Variants in TSPAN10 observed in about 807,000 individuals in gnomAD.
TSPAN10 encodes the protein tetraspanin 10, also known as tetraspanin-10.
TSPAN10 carries 11 observed loss-of-function variants against 15.0 expected under a neutral mutation model. That is an observed-to-expected ratio of 0.73 (90% CI 0.46 to 1.21). TSPAN10 has a LOEUF of 1.21. TSPAN10 is among the 50% of genes most tolerant of loss of function. The pLI is 0.00. For synonymous variants in TSPAN10, 241 were observed against 226.2 expected, an observed-to-expected ratio of 1.07 and a Z score of -0.59; for missense variants, 486 against 470.6, an observed-to-expected ratio of 1.03 and a Z score of -0.30.
At chr17:81,646,747 C>A (rs967636330) in intron 2 of TSPAN10, among the ~76,000 whole-genome samples, 23 of 151,986 alleles carry the variant, frequency 1.5e-4, no homozygotes, top group Non-Finnish European at 4.4e-5. Flanking sequence ...TCTGACTCCA[C>A]AGTTTCCCTC....
chr17:81,646,679 C>CA (rs570131394), intron 2 of TSPAN10: 6,229 of 124,862 alleles, frequency 0.05, 369 homozygotes, highest in East Asian at 0.17. Context: ...GACTCTGTCT[C>CA]AAAAAAAAAA....
exon 2 of TSPAN10, chr17:81,645,112 A>G: frequency 6.3e-7 from 1 of 1,587,240 alleles, no homozygotes; most frequent in South Asian, 1.1e-5. Flanking sequence ...CCCGGAGACC[A>G]AGCACCAGGC....
chr17:81,639,032 T>C (rs2036151282), upstream of TSPAN10: 1 of 152,000 alleles, frequency 6.6e-6, no homozygotes, highest in Admixed American at 6.6e-5. Flanking sequence ...ACTAAGCGCC[T>C]CCCGAAGTTA....
downstream of TSPAN10, chr17:81,648,453 C>G: frequency 2.8e-6 from 2 of 705,596 alleles, no homozygotes; most frequent in Non-Finnish European, 3.8e-6. Context: ...TTCGCTCGCT[C>G]CGCGTCCCCC....
In TSPAN10 at chr17:81,645,265, G is replaced by A. The variant is rs199644030; in HGVS notation, c.310G>A (p.Val104Ile). Residue 104 changes from valine (V) to isoleucine (I), a missense_variant, in exon 2 of 3, where the codon GTC becomes ATC. Coordinates refer to ENST00000611590, the Ensembl canonical transcript of TSPAN10. ...GGCCATCGGGCTCTGGGGCCTGGCT[G>A]TCAAGGGGTCTCTGGGAAGTGATCT... The A allele has an allele frequency of 4.1e-5, 63 of 1,533,224 alleles. No homozygotes were observed. The highest frequency in any genetic ancestry group is 6.1e-6 in the Non-Finnish European group (7 of 1,146,738). The allele number at this position is 1,533,224 out of a possible 1,614,324, so 95.0% of individuals were successfully genotyped here. A position where few individuals can be genotyped will look rare whatever the true frequency, so the allele number is the denominator to read the frequency against.
In TSPAN10 at chr17:81,648,089, G is replaced by A. The variant is rs375147835; in HGVS notation, c.863G>A (p.Arg288His). 8 of 1,586,456 alleles carry A rather than the reference G, an allele frequency of 5.0e-6. No individual in the cohort carries two copies. The African/African-American group carries it at 9.4e-5, about 19-fold the overall frequency. ...GGCCCGCCGCTCCGGCGGTGGCTGC[G>A]CGCGAACCTGGCTGCCTCGGGCGGC... is the stretch of plus-strand genomic sequence containing the variant. Residue 288 changes from arginine (R) to histidine (H), a missense_variant, in exon 3 of 3, where the codon CGC (arginine) becomes CAC (histidine). Arg to His is a conservative substitution (Grantham distance 29). Coordinates refer to ENST00000611590, the Ensembl canonical transcript of TSPAN10.
intron 2 of TSPAN10, chr17:81,646,136 A>G (rs1256008776): frequency 4.8e-6 from 1 of 208,492 alleles, no homozygotes; most frequent in Non-Finnish European, 9.5e-6. Flanking sequence ...TCACACCTGT[A>G]ATCCCAGCAC....
At chr17:81,644,001 G>A (rs1328466473) in intron 1 of TSPAN10, among the ~76,000 whole-genome samples, 4 of 149,424 alleles carry the variant, frequency 2.7e-5, no homozygotes, top group Non-Finnish European at 4.4e-5. Flanking sequence ...CACCACGCCC[G>A]GCTAATTTTT....
At chr17:81,647,934 C>T (rs1283389946) in exon 3 of TSPAN10, 17 of 1,608,374 alleles carry the variant, frequency 1.1e-5, no homozygotes, top group Admixed American at 1.7e-5. Flanking sequence ...GGGTGCAGGC[C>T]TGCAGCCTTC....
At chr17:81,641,733 C>G (rs191895352), upstream of TSPAN10, among the ~76,000 whole-genome samples, 1 of 139,432 alleles carries the variant, frequency 7.2e-6, no homozygotes, top group East Asian at 2.6e-4. Context: ...CTGGGCAGCA[C>G]AGCAGAACCC....
upstream of TSPAN10, chr17:81,642,291 G>A: frequency 8.7e-7 from 1 of 1,155,944 alleles, no homozygotes; most frequent in Non-Finnish European, 1.3e-6. Flanking sequence ...CATGCCCAGG[G>A]CTGCACTGTT....
exon 2 of TSPAN10, chr17:81,645,456 G>C: frequency 6.3e-7 from 1 of 1,588,888 alleles, no homozygotes; most frequent in Non-Finnish European, 8.5e-7. Context: ...AGGCCGTGGC[G>C]GGGGCCCTGG....
intron 2 of TSPAN10, chr17:81,647,368 G>C: frequency 4.4e-6 from 2 of 454,970 alleles, no homozygotes; most frequent in Non-Finnish European, 8.8e-6. Context: ...AGGGCACCTG[G>C]GGACTGCCTG....
At chr17:81,645,512 T>C in exon 2 of TSPAN10, 1 of 1,588,284 alleles carries the variant, frequency 6.3e-7, no homozygotes, top group South Asian at 1.1e-5. Context: ...GAGCACACCC[T>C]GCGTGTGGCC....
rs12942852 is a variant in TSPAN10, at chr17:81,643,640, A to G, written c.36+1192A>G. Among the ~76,000 whole-genome samples, 57 of 39,514 alleles carry G rather than the reference A, an allele frequency of 1.4e-3. 3 individuals are homozygous for G. Among genetic ancestry groups the G allele is most frequent in the African/African-American group, 3.5e-3 (18 of 5,120 alleles). 25.9% of individuals were successfully genotyped at this position (39,514 alleles called of 152,430 possible). On this transcript the variant is annotated intron_variant, in intron 1 of 2. Transcript: ENST00000611590. ...AAAAAAAAAAAAAAAAAAAATTACC[A>G]GGACATGGTTGCAGTGCCTGTAGTC...
chr17:81,646,778 G>A (rs567159646), intron 2 of TSPAN10, among the ~76,000 whole-genome samples: 1 of 151,826 alleles, frequency 6.6e-6, no homozygotes, highest in South Asian at 2.1e-4. Context: ...GTCATTAAAC[G>A]CCGTGCATTT....
At chr17:81,647,271 A>G (rs963548473) in intron 2 of TSPAN10, among the ~76,000 whole-genome samples, 3 of 152,066 alleles carry the variant, frequency 2.0e-5, no homozygotes, top group Non-Finnish European at 4.4e-5. Flanking sequence ...TAAGTGGGGC[A>G]TACTCTTCTA....
rs1364566966 is a variant in TSPAN10, at chr17:81,648,241, C to A, written c.1015C>A (p.Pro339Thr). 8.9e-6 allele frequency: 11 copies of A among 1,236,286 alleles called. No individual in the cohort carries two copies. In the South Asian group the frequency reaches 3.7e-4, roughly 42 times the overall value. 76.6% of individuals were successfully genotyped at this position (1,236,286 alleles called of 1,614,324 possible). A position where few individuals can be genotyped will look rare whatever the true frequency, so the allele number is the denominator to read the frequency against. Residue 339 changes from proline (P) to threonine (T), a missense_variant, in exon 3 of 3, where the codon CCC (proline) becomes ACC (threonine). Transcript: ENST00000611590. ...AGCGCGCGGGGAGGACCGCGCTGGC[C>A]CCCAGAGCCCCAGCCCCGGCGCCCC...
At chr17:81,646,884 G>A (rs924104134) in intron 2 of TSPAN10, among the ~76,000 whole-genome samples, 3 of 151,356 alleles carry the variant, frequency 2.0e-5, no homozygotes, top group South Asian at 2.1e-4. Flanking sequence ...TCTCCCTCTC[G>A]CCCAGGCTGG....
Sources: allele counts gnomAD v4.1 joint callset (sites outside exome capture counted in the v4.1 genomes callset), GRCh38; gene constraint gnomAD v4.1.1; transcripts MANE v1.5; gene names NCBI Gene and HGNC (gene_info 2026-07-23, HGNC 2026-07-21).